The following PIEZO2 variants were observed in gnomAD, a reference collection of about 807,000 sequenced individuals.
PIEZO2 encodes piezo type mechanosensitive ion channel component 2, also known as piezo-type mechanosensitive ion channel component 2.
A neutral mutation model predicts 337.3 loss-of-function variants in PIEZO2; 172 were observed. The observed-to-expected ratio is 0.51, with a 90% confidence interval of 0.45 to 0.58. The LOEUF (loss-of-function observed/expected upper bound fraction) is 0.58. PIEZO2 is among the 20% of genes least tolerant of loss of function. PIEZO2 has a pLI of 0.00. For missense variants in PIEZO2, 3,028 were observed against 3,391.3 expected, an observed-to-expected ratio of 0.89 and a Z score of 2.66; for synonymous variants, 1,251 against 1,228.5, an observed-to-expected ratio of 1.02 and a Z score of -0.38.
Position 11,094,151 on chromosome 18 carries a change from C to T in PIEZO2, c.65-27929G>A, listed in dbSNP as rs1184872112. 6.6e-6 allele frequency among the ~76,000 whole-genome samples: 1 copy of T among 151,960 alleles called. No individual in the cohort carries two copies. The highest frequency in any genetic ancestry group is 1.5e-5 in the Non-Finnish European group (1 of 67,974). On this transcript the variant is annotated intron_variant, in intron 1 of 55. Transcript: ENST00000674853. The surrounding 1 kb of genome is among the most constrained non-coding windows in gnomAD (Gnocchi z 4.4). Reference sequence around the variant, plus strand: ...TCATCACCACGCCCAGCTAATTTTTCTATTTTTAATAGAGACCAGGTTTCA... The same window carrying T: ...TCATCACCACGCCCAGCTAATTTTTTTATTTTTAATAGAGACCAGGTTTCA...
chr18:10,981,226 T>A (rs565240499), intron 2 of PIEZO2, among the ~76,000 whole-genome samples: 35 of 152,244 alleles, frequency 2.3e-4, no homozygotes, highest in African/African-American at 7.5e-4. Context: ...TAATTTTTTT[T>A]AAAGTGTTAT....
At chr18:11,139,885 T>C (rs751124213) in intron 1 of PIEZO2, among the ~76,000 whole-genome samples, 10 of 152,296 alleles carry the variant, frequency 6.6e-5, no homozygotes, top group Admixed American at 1.3e-4. Flanking sequence ...CAGAATTCAG[T>C]AGACTGCCCA....
At chr18:10,776,381 T>C (rs994346217) in intron 18 of PIEZO2, among the ~76,000 whole-genome samples, 1 of 152,228 alleles carries the variant, frequency 6.6e-6, no homozygotes, top group Non-Finnish European at 1.5e-5. Flanking sequence ...CATCTTCTAA[T>C]GGTAGATTTT....
intron 2 of PIEZO2, among the ~76,000 whole-genome samples, chr18:11,055,343 C>T (rs891416794): frequency 6.6e-6 from 1 of 151,914 alleles, no homozygotes; most frequent in Non-Finnish European, 1.5e-5. Context: ...CCAGCTCTTG[C>T]TATGGATTTG....
At chr18:10,721,997 AC>A (rs2036331272) in intron 36 of PIEZO2, among the ~76,000 whole-genome samples, 1 of 152,072 alleles carries the variant, frequency 6.6e-6, no homozygotes, top group African/African-American at 2.4e-5. Flanking sequence ...CTACGAAAAT[AC>A]AAAAAATTAG....
rs1357131308 is a variant in PIEZO2 at position 11,078,214 on chromosome 18, G to T, written c.65-11992C>A. On this transcript the variant is annotated intron_variant, in intron 1 of 55. Coordinates refer to ENST00000674853, the MANE Select transcript of PIEZO2 (RefSeq NM_001378183.1). The surrounding 1 kb of genome is among the most constrained non-coding windows in gnomAD (Gnocchi z 5.3). Reference sequence around the variant, plus strand: ...CACTTGTATGGGCTTTATGTAAGCAGCAGTGGCTTTTTATAACAGGATTAA... The same window carrying T: ...CACTTGTATGGGCTTTATGTAAGCATCAGTGGCTTTTTATAACAGGATTAA... Among the ~76,000 whole-genome samples the T allele has an allele frequency of 6.6e-6, 1 of 151,896 alleles. No individual in the cohort carries two copies. The highest frequency in any genetic ancestry group is 1.5e-5 in the Non-Finnish European group (1 of 67,922).
At chr18:10,931,314 C>G (rs1029746561) in intron 3 of PIEZO2, among the ~76,000 whole-genome samples, 1 of 152,188 alleles carries the variant, frequency 6.6e-6, no homozygotes, top group Non-Finnish European at 1.5e-5. Context: ...ATTCTCCTGC[C>G]TCAGCCTCCC....
At chr18:10,851,969 A>AT (rs2041567148) in intron 7 of PIEZO2, among the ~76,000 whole-genome samples, 2 of 152,198 alleles carry the variant, frequency 1.3e-5, no homozygotes, top group African/African-American at 4.8e-5. Flanking sequence ...AGTAGAAAGA[A>AT]TAAACCAAAA....
At chr18:10,822,231 G>A (rs1365646554) in intron 7 of PIEZO2, among the ~76,000 whole-genome samples, 4 of 152,254 alleles carry the variant, frequency 2.6e-5, no homozygotes, top group African/African-American at 9.6e-5. Flanking sequence ...CTGCCATTTG[G>A]GATAGCAGTG....
At position 11,146,786 on chromosome 18, in the gene PIEZO2, C is replaced by G. The variant is rs1004812705; in HGVS notation, c.64+1739G>C. On this transcript the variant is annotated intron_variant, in intron 1 of 55. Transcript: ENST00000674853. This position sits in a 1 kb window ranked among gnomAD's most constrained non-coding sequence, Gnocchi z 6.1. ...GCAGGGAACCACATGCCTAACTCTT[C>G]CAACAGTCACAGTGAGCTGCTGTCC... 6.6e-6 allele frequency among the ~76,000 whole-genome samples: 1 copy of G among 152,288 alleles called. No individual in the cohort carries two copies. Among genetic ancestry groups the G allele is most frequent in the East Asian group, 1.9e-4 (1 of 5,158 alleles).
chr18:11,045,154 G>A (rs1357693598), intron 2 of PIEZO2, among the ~76,000 whole-genome samples: 5 of 151,502 alleles, frequency 3.3e-5, no homozygotes, highest in African/African-American at 4.9e-5. Context: ...CAAATTAGCC[G>A]GGCATGGTGG....
Position 10,835,463 on chromosome 18 carries a change from T to A in PIEZO2, c.917+19890A>T, listed in dbSNP as rs191299977. Among the ~76,000 whole-genome samples, 4 of 152,370 alleles carry A rather than the reference T, an allele frequency of 2.6e-5. No homozygotes were observed. The East Asian group carries it at 5.8e-4, about 22-fold the overall frequency. ...TTTTCCAGCATTCTTTACACCATCATTTCATTAAAATATGCACATAATGGT... is the reference window on the plus strand; with the variant it reads ...TTTTCCAGCATTCTTTACACCATCAATTCATTAAAATATGCACATAATGGT... On this transcript the variant is annotated intron_variant, in intron 7 of 55. Coordinates refer to ENST00000674853, the MANE Select transcript of PIEZO2 (RefSeq NM_001378183.1).
chr18:11,019,298 T>C (rs2036231070), intron 2 of PIEZO2, among the ~76,000 whole-genome samples: 1 of 152,238 alleles, frequency 6.6e-6, no homozygotes, highest in African/African-American at 2.4e-5. Context: ...TAAAATGCTT[T>C]AGGGCTTCTC....
At position 10,844,100 on chromosome 18, in the gene PIEZO2, G is replaced by A; in HGVS notation, c.917+11253C>T. 1.3e-5 allele frequency among the ~76,000 whole-genome samples: 2 copies of A among 152,196 alleles called. 1 individual carries two copies. ...CAGCCTTAGAAGTCAGAGAGAATTG[G>A]GCTCAAACCCTGGTTCTGTCATTTA... On this transcript the variant is annotated intron_variant, in intron 7 of 55. Transcript: ENST00000674853.
intron 4 of PIEZO2, among the ~76,000 whole-genome samples, chr18:10,892,695 C>T (rs913661161): frequency 1.3e-5 from 2 of 151,790 alleles, no homozygotes; most frequent in Non-Finnish European, 2.9e-5. Flanking sequence ...GTGAGGGAAG[C>T]ACAGAAGCAA....
At chr18:11,023,201 G>C (rs1422776195) in intron 2 of PIEZO2, among the ~76,000 whole-genome samples, 2 of 151,990 alleles carry the variant, frequency 1.3e-5, no homozygotes, top group African/African-American at 4.8e-5. Flanking sequence ...CTGCTGGCTC[G>C]GGCAGCCTGC....
chr18:11,019,004 G>A (rs1223153157), intron 2 of PIEZO2, among the ~76,000 whole-genome samples: 1 of 152,106 alleles, frequency 6.6e-6, no homozygotes, highest in Non-Finnish European at 1.5e-5. Flanking sequence ...TCAGGACGGA[G>A]CCTTGATTTT....
chr18:10,691,079 G>T (rs550342361), intron 48 of PIEZO2, 146 bp downstream of exon 48: 20 of 957,682 alleles, frequency 2.1e-5, no homozygotes, highest in East Asian at 2.0e-4. Flanking sequence ...AGGCATATTT[G>T]TTCCTTTGCC....
chr18:10,762,748 G>A, intron 22 of PIEZO2, 123 bp from the exon 23 acceptor site: 1 of 1,341,150 alleles, frequency 7.5e-7, no homozygotes, highest in Non-Finnish European at 1.0e-6. Flanking sequence ...GCCCATTTCA[G>A]GGGAGACCTC....
Sources: gnomAD v4.1 joint callset for allele counts (sites outside exome capture counted in the v4.1 genomes callset) on GRCh38, gnomAD v4.1.1 for gene constraint, Gnocchi (gnomAD v3.1) non-coding constraint, MANE v1.5 for transcripts, NCBI Gene and HGNC (gene_info 2026-07-23, HGNC 2026-07-21) for gene names.